The following STAC variants were observed in gnomAD, a reference collection of about 807,000 sequenced individuals.
STAC encodes the protein SH3 and cysteine-rich domain-containing protein.
STAC carries 43 observed loss-of-function variants against 48.8 expected under a neutral mutation model. The observed-to-expected ratio is 0.88, with a 90% CI of 0.69 to 1.14. STAC has a LOEUF of 1.14. STAC is among the 50% of genes most tolerant of loss of function. The pLI, the probability that STAC is intolerant of heterozygous loss-of-function variation, is 0.00. For missense variants in STAC, 497 were observed against 504.0 expected, an observed-to-expected ratio of 0.99 and a Z score of 0.13; for synonymous variants, 193 against 179.5, an observed-to-expected ratio of 1.07 and a Z score of -0.60.
In STAC at chr3:36,492,355, C is replaced by T. The variant is rs1440252519; in HGVS notation, c.688-796C>T. Among the ~76,000 whole-genome samples, 7 of 152,020 alleles carry T rather than the reference C, an allele frequency of 4.6e-5. 1 individual carries two copies. Among genetic ancestry groups the T allele is most frequent in the Admixed American group, 6.6e-5 (1 of 15,262 alleles). On this transcript the variant is annotated intron_variant, in intron 5 of 10. Transcript: ENST00000273183. ...GAATAAAGCACAATGCTTAAGAGCA[C>T]GAGCTCTGGAGGCAACGCCTGTGAT...
chr3:36,509,368 C>T (rs1237276739), intron 8 of STAC, among the ~76,000 whole-genome samples: 5 of 152,040 alleles, frequency 3.3e-5, no homozygotes, highest in African/African-American at 9.7e-5. Flanking sequence ...GTGAATCTGA[C>T]GATTATGTGT....
chr3:36,502,186 T>C (rs1698296892), intron 6 of STAC, among the ~76,000 whole-genome samples: 1 of 152,186 alleles, frequency 6.6e-6, no homozygotes. Flanking sequence ...TCATTTTGCT[T>C]CTGTAACATT....
At chr3:36,515,380 A>G (rs1284803131) in intron 8 of STAC, among the ~76,000 whole-genome samples, 1 of 152,126 alleles carries the variant, frequency 6.6e-6, no homozygotes, top group Non-Finnish European at 1.5e-5. Context: ...CAGGGTTGAG[A>G]ATGTGCCTGG....
rs957561279 is a variant in STAC, at chr3:36,546,889, T to A, written c.*600T>A. On this transcript the variant is annotated 3_prime_UTR_variant, in exon 11 of 11. Transcript: ENST00000273183. ...TTCTCTTCAGTCCTCTGAGTACATC[T>A]GGTGGTGTGCATTAGATGTGAGGGC... The A allele has an allele frequency of 6.5e-6, 1 of 153,340 alleles. No homozygotes were observed. The highest frequency in any genetic ancestry group is 2.4e-5 in the African/African-American group (1 of 41,454). The allele number at this position is 153,340 out of a possible 1,614,324, so 9.5% of individuals were successfully genotyped here. A position where few individuals can be genotyped will look rare whatever the true frequency, so the allele number is the denominator to read the frequency against.
intron 8 of STAC, among the ~76,000 whole-genome samples, chr3:36,520,795 C>G (rs541369278): frequency 1.3e-5 from 2 of 152,286 alleles, no homozygotes; most frequent in South Asian, 4.1e-4. Flanking sequence ...CCCTCTCACT[C>G]AAATGCCTCT....
At chr3:36,426,887 T>C (rs888015191) in intron 1 of STAC, among the ~76,000 whole-genome samples, 15 of 152,202 alleles carry the variant, frequency 9.9e-5, no homozygotes, top group Non-Finnish European at 2.2e-4. Flanking sequence ...GAAGGTCTCA[T>C]GGCTTTCATT....
intron 2 of STAC, among the ~76,000 whole-genome samples, chr3:36,447,252 A>T (rs540742104): frequency 6.6e-6 from 1 of 152,270 alleles, no homozygotes; most frequent in South Asian, 2.1e-4. Context: ...CTCTTGGCCA[A>T]GGACAGCTCC....
At chr3:36,413,038 G>C (rs1354404023) in intron 1 of STAC, among the ~76,000 whole-genome samples, 2 of 152,148 alleles carry the variant, frequency 1.3e-5, no homozygotes, top group Non-Finnish European at 2.9e-5. Flanking sequence ...TGGTCTGAGA[G>C]ACAGTTTGTT....
chr3:36,457,958 T>G (rs1031072198), intron 2 of STAC, among the ~76,000 whole-genome samples: 6 of 152,082 alleles, frequency 3.9e-5, no homozygotes, highest in African/African-American at 1.4e-4. Flanking sequence ...CCACTAGTAG[T>G]CAGGAACCGA....
At chr3:36,536,932 C>A (rs1167410635) in intron 10 of STAC, among the ~76,000 whole-genome samples, 1 of 151,598 alleles carries the variant, frequency 6.6e-6, no homozygotes, top group East Asian at 1.9e-4. Context: ...ATATGGCCAG[C>A]AAACATATGA....
intron 2 of STAC, among the ~76,000 whole-genome samples, chr3:36,479,253 T>G (rs1697578135): frequency 6.6e-6 from 1 of 152,234 alleles, no homozygotes; most frequent in Non-Finnish European, 1.5e-5. Context: ...AATTCTGGGT[T>G]GCAAATCTTT....
chr3:36,394,896 A>T (rs898604268), intron 1 of STAC, among the ~76,000 whole-genome samples: 7 of 151,684 alleles, frequency 4.6e-5, no homozygotes, highest in African/African-American at 1.5e-4. Context: ...AAAAAAAGGA[A>T]TATATTTGCA....
intron 2 of STAC, among the ~76,000 whole-genome samples, chr3:36,449,239 T>C (rs1020892725): frequency 1.3e-5 from 2 of 152,146 alleles, no homozygotes; most frequent in African/African-American, 2.4e-5. Context: ...CATTAGCATT[T>C]TGAAGTCCTG....
chr3:36,486,330 C>T, intron 5 of STAC, 81 bp downstream of exon 5: 1 of 1,213,026 alleles, frequency 8.2e-7, no homozygotes, highest in African/African-American at 1.5e-5. Flanking sequence ...ATGGGGTATT[C>T]CACCTGACTG....
chr3:36,454,711 G>C (rs886449465), intron 2 of STAC, among the ~76,000 whole-genome samples: 3 of 152,080 alleles, frequency 2.0e-5, no homozygotes, highest in African/African-American at 7.3e-5. Flanking sequence ...CAAGTTGTCA[G>C]ACACTGCTTG....
At chr3:36,411,969 T>C (rs751346646) in intron 1 of STAC, among the ~76,000 whole-genome samples, 8 of 152,212 alleles carry the variant, frequency 5.3e-5, no homozygotes, top group Non-Finnish European at 1.2e-4. Context: ...GAGTATAGCA[T>C]ATATGTGCTA....
At chr3:36,517,564 G>A (rs1698702474) in intron 8 of STAC, among the ~76,000 whole-genome samples, 1 of 152,140 alleles carries the variant, frequency 6.6e-6, no homozygotes, top group Admixed American at 6.5e-5. Context: ...TGAAGCAGAA[G>A]GATCACTTGA....
rs563238442 is a variant in STAC at position 36,546,331 on chromosome 3, C to T, written c.*42C>T. 286 of 1,546,108 alleles carry T rather than the reference C, an allele frequency of 1.8e-4. 3 individuals carry two copies. In the South Asian group the frequency reaches 3.0e-3, roughly 16 times the overall value. ...CGTTTGCAGTAGGCAAGCTCTGCTG[C>T]GATGCCTCTGCCTCATCTCACACTG... On this transcript the variant is annotated 3_prime_UTR_variant, in exon 11 of 11. Transcript: ENST00000273183.
chr3:36,508,004 G>A lies in STAC; in HGVS notation c.920+2170G>A, dbSNP rs145196752. Among the ~76,000 whole-genome samples the A allele has an allele frequency of 6.9e-3, 1,046 of 152,138 alleles. 16 individuals are homozygous for A. The highest frequency in any genetic ancestry group is 0.023 in the African/African-American group (959 of 41,484). The stretch of plus-strand genomic sequence containing the variant: ...TCTTGCTTCTCTAGTTCTTTTAATT[G>A]TGATGTTAGGGTATCGATTTTAGAT... On this transcript the variant is annotated intron_variant, in intron 8 of 10. Transcript: ENST00000273183.
Sources: gnomAD v4.1 joint callset for allele counts (sites outside exome capture counted in the v4.1 genomes callset) on GRCh38, gnomAD v4.1.1 for gene constraint, MANE v1.5 for transcripts, NCBI Gene and HGNC (gene_info 2026-07-23, HGNC 2026-07-21) for gene names.